HMGB1: variants seen among roughly 807,000 people sequenced by gnomAD.
HMGB1 encodes high mobility group box 1, also known as high mobility group protein B1.
For synonymous variants in HMGB1, 81 were observed against 84.0 expected, an observed-to-expected ratio of 0.96 and a Z score of 0.19; for missense variants, 79 against 253.5, an observed-to-expected ratio of 0.31 and a Z score of 4.67.
At chr13:30,608,598 T>G (rs1259927958) in intron 1 of HMGB1, among the ~76,000 whole-genome samples, 1 of 152,200 alleles carries the variant, frequency 6.6e-6, no homozygotes, top group East Asian at 1.9e-4. Flanking sequence ...GCCAACTTCC[T>G]CTCTTCTTTC....
At position 30,580,340 on chromosome 13, in the gene HMGB1, T is replaced by TA. The variant is rs529111082; in HGVS notation, c.-15+36330dup. Among the ~76,000 whole-genome samples, 164 of 152,348 alleles carry TA rather than the reference T, an allele frequency of 1.1e-3. 2 individuals carry two copies. Among genetic ancestry groups the TA allele is most frequent in the Non-Finnish European group, 1.5e-3 (104 of 68,026 alleles). Reference sequence around the variant, plus strand: ...ATCCCTATATTGCATTTATTTAACTTAAAGTGCTGGATGTGGCACTACGAG... The same window carrying TA: ...ATCCCTATATTGCATTTATTTAACTTAAAAGTGCTGGATGTGGCACTACGAG... On this transcript the variant is annotated intron_variant, in intron 1 of 4. Transcript: ENST00000405805.
chr13:30,578,290 A>G (rs537252924), intron 1 of HMGB1, among the ~76,000 whole-genome samples: 2 of 148,980 alleles, frequency 1.3e-5, no homozygotes, highest in Non-Finnish European at 3.0e-5. Context: ...CTTAACCATT[A>G]TCATACTGAA....
chr13:30,477,558 GGCTCTGAAGACAGAAAAGGGGACT>G (rs1887126923), intron 1 of HMGB1, among the ~76,000 whole-genome samples: 1 of 152,200 alleles, frequency 6.6e-6, no homozygotes, highest in Non-Finnish European at 1.5e-5. Context: ...CCCAGAGAAA[GGCTCTGAAGACAGAAAAGGGGACT>G]GCCTTGCTCT....
chr13:30,463,418 C>A, intron 2 of HMGB1, 66 bp from the exon 3 acceptor site: 1 of 1,542,188 alleles, frequency 6.5e-7, no homozygotes. Flanking sequence ...AAACCAATGT[C>A]TTTTGCTATG....
At chr13:30,593,059 T>G (rs770781580) in intron 1 of HMGB1, among the ~76,000 whole-genome samples, 2 of 152,180 alleles carry the variant, frequency 1.3e-5, no homozygotes, top group Non-Finnish European at 2.9e-5. Flanking sequence ...GAGAAACTAT[T>G]CAGTATGGCT....
intron 1 of HMGB1, among the ~76,000 whole-genome samples, chr13:30,507,972 G>T (rs952939851): frequency 6.6e-6 from 1 of 152,074 alleles, no homozygotes; most frequent in Non-Finnish European, 1.5e-5. Flanking sequence ...ATTCCAGCCT[G>T]GGCCACAGAG....
chr13:30,589,914 G>T (rs529892772), intron 1 of HMGB1, among the ~76,000 whole-genome samples: 9 of 152,034 alleles, frequency 5.9e-5, no homozygotes, highest in Non-Finnish European at 1.0e-4. Flanking sequence ...CCTGAAATTG[G>T]GAATGAACAG....
chr13:30,567,758 A>G (rs1462549259), intron 1 of HMGB1, among the ~76,000 whole-genome samples: 1 of 152,122 alleles, frequency 6.6e-6, no homozygotes, highest in African/African-American at 2.4e-5. Flanking sequence ...TAGCTGCTGA[A>G]ATCTTCTACA....
intron 1 of HMGB1, among the ~76,000 whole-genome samples, chr13:30,506,527 A>G (rs1412976121): frequency 6.6e-6 from 1 of 152,034 alleles, no homozygotes; most frequent in Non-Finnish European, 1.5e-5. Flanking sequence ...ATCTCACACG[A>G]AGACCGGTCC....
At chr13:30,530,922 T>C (rs1250195101) in intron 1 of HMGB1, among the ~76,000 whole-genome samples, 2 of 152,108 alleles carry the variant, frequency 1.3e-5, no homozygotes, top group Non-Finnish European at 2.9e-5. Flanking sequence ...TGGCACATGT[T>C]TGTAGTCCCA....
intron 1 of HMGB1, among the ~76,000 whole-genome samples, chr13:30,558,338 A>G (rs1343899531): frequency 1.3e-5 from 2 of 152,220 alleles, no homozygotes; most frequent in Non-Finnish European, 2.9e-5. Context: ...AATTCAGTTT[A>G]TATTCACTTG....
intron 1 of HMGB1, chr13:30,465,216 G>A (rs1357661876): frequency 4.8e-5 from 25 of 525,646 alleles, no homozygotes; most frequent in Non-Finnish European, 5.9e-5. Context: ...GCCGCGACCG[G>A]GCCGAGGCCG....
chr13:30,496,407 A>C (rs948562731), intron 1 of HMGB1, among the ~76,000 whole-genome samples: 12 of 152,136 alleles, frequency 7.9e-5, no homozygotes, highest in African/African-American at 2.7e-4. Flanking sequence ...CCTCAGTTCT[A>C]CCCCTGATAG....
intron 1 of HMGB1, among the ~76,000 whole-genome samples, chr13:30,604,822 T>A (rs1018142681): frequency 6.6e-6 from 1 of 152,130 alleles, no homozygotes; most frequent in Non-Finnish European, 1.5e-5. Context: ...CACACCCAGC[T>A]AATTTTTTTG....
intron 1 of HMGB1, chr13:30,464,358 A>C: frequency 1.0e-6 from 1 of 985,396 alleles, no homozygotes; most frequent in Non-Finnish European, 1.2e-6. Flanking sequence ...TTCTCCGAGT[A>C]AACAAGGATG....
At chr13:30,483,775 A>T (rs1887294775) in intron 1 of HMGB1, among the ~76,000 whole-genome samples, 1 of 151,596 alleles carries the variant, frequency 6.6e-6, no homozygotes. Context: ...CACCACACCC[A>T]ACTAATTTTT....
chr13:30,502,376 A>T (rs1454881177), intron 1 of HMGB1, among the ~76,000 whole-genome samples: 1 of 152,114 alleles, frequency 6.6e-6, no homozygotes, highest in Non-Finnish European at 1.5e-5. Context: ...GTGCACAGAT[A>T]AAAAAAATCA....
intron 1 of HMGB1, among the ~76,000 whole-genome samples, chr13:30,604,894 G>A (rs1267585292): frequency 1.3e-5 from 2 of 152,104 alleles, no homozygotes; most frequent in East Asian, 3.9e-4. Context: ...TCCTGATCCC[G>A]TGATCCACCC....
intron 1 of HMGB1, among the ~76,000 whole-genome samples, chr13:30,500,101 T>C (rs1302851673): frequency 1.3e-5 from 2 of 152,094 alleles, no homozygotes; most frequent in Admixed American, 6.6e-5. Context: ...GAGTGAGCCC[T>C]CTCCAGAGCA....
Sources: gnomAD v4.1 joint callset for allele counts (sites outside exome capture counted in the v4.1 genomes callset) on GRCh38, gnomAD v4.1.1 for gene constraint, MANE v1.5 for transcripts, NCBI Gene and HGNC (gene_info 2026-07-23, HGNC 2026-07-21) for gene names.